MCCC2: variants seen among roughly 807,000 people sequenced by gnomAD.
MCCC2 encodes the protein methylcrotonyl-CoA carboxylase subunit 2, also known as methylcrotonoyl-CoA carboxylase beta chain, mitochondrial.
A neutral mutation model predicts 77.2 loss-of-function variants in MCCC2; 52 were observed. That is an observed-to-expected ratio of 0.67 (90% CI 0.54 to 0.85). The LOEUF (loss-of-function observed/expected upper bound fraction) is 0.85, where lower values mean the gene tolerates loss of function less well. Among genes scored for constraint, MCCC2 ranks in the 40% least tolerant of loss-of-function variants. The pLI is 0.00. For missense variants in MCCC2, 682 were observed against 703.2 expected, an observed-to-expected ratio of 0.97 and a Z score of 0.34; for synonymous variants, 253 against 248.4, an observed-to-expected ratio of 1.02 and a Z score of -0.18.
In MCCC2 at chr5:71,596,302, A is replaced by T; in HGVS notation, c.219A>T (p.Ala73=). The T allele has an allele frequency of 6.2e-7, 1 of 1,614,144 alleles. No homozygotes were observed. Among genetic ancestry groups the T allele is most frequent in the South Asian group, 1.1e-5 (1 of 91,076 alleles). ...TAGGAGGTGGTGAGAAAGCCCGAGC[A>T]CTTCACATATCAAGAGGAAAACTAT... ...IKLGGGEKAR[A]LHISRGKLLP... Residue 73 remains alanine (A), a synonymous_variant, in exon 3 of 17, where the codon GCA becomes GCT. Transcript: ENST00000340941.
At chr5:71,653,584 T>C (rs1747498323) in intron 16 of MCCC2, among the ~76,000 whole-genome samples, 1 of 151,916 alleles carries the variant, frequency 6.6e-6, no homozygotes, top group African/African-American at 2.4e-5. Flanking sequence ...GCACAGTGGC[T>C]CACACTTATA....
At chr5:71,602,242 A>T (rs1745465431) in intron 4 of MCCC2, among the ~76,000 whole-genome samples, 1 of 151,922 alleles carries the variant, frequency 6.6e-6, no homozygotes, top group African/African-American at 2.4e-5. Flanking sequence ...TTAGTTTTTT[A>T]TTACTAATCT....
At chr5:71,592,762 G>A (rs930439697) in intron 1 of MCCC2, 164 bp from the exon 2 acceptor site, 3 of 663,778 alleles carry the variant, frequency 4.5e-6, no homozygotes, top group East Asian at 2.7e-5. Context: ...TTTTCCATAC[G>A]ATCCAGTGGC....
chr5:71,640,870 T>G, intron 10 of MCCC2, 133 bp from the exon 11 acceptor site: 49 of 762,074 alleles, frequency 6.4e-5, no homozygotes, highest in Middle Eastern at 3.5e-4. Flanking sequence ...GAAATTCTAG[T>G]GAGATTTTCT....
intron 11 of MCCC2, 92 bp from the exon 12 acceptor site, chr5:71,643,727 A>G (rs765493971): frequency 4.7e-5 from 75 of 1,611,000 alleles, no homozygotes; most frequent in Non-Finnish European, 5.9e-5. Flanking sequence ...CTTGGATCTG[A>G]TATTAAAGAA....
chr5:71,657,108 G>C lies in MCCC2; in HGVS notation c.*248G>C, dbSNP rs923337290. On this transcript the variant is annotated 3_prime_UTR_variant, in exon 17 of 17. Transcript: ENST00000340941. The stretch of plus-strand genomic sequence containing the variant: ...CCATAAAGCGGAGACAGTAATTTAC[G>C]GTTATCCTTTCTGACCCACAAAGTA... 1 of 432,044 alleles carries C rather than the reference G, an allele frequency of 2.3e-6. No individual in the cohort carries two copies. The highest frequency in any genetic ancestry group is 2.0e-5 in the African/African-American group (1 of 49,830). The allele number at this position is 432,044 out of a possible 1,614,324, so 26.8% of individuals were successfully genotyped here.
chr5:71,596,302 A>C lies in MCCC2; in HGVS notation c.219A>C (p.Ala73=), dbSNP rs1048291170. 6.2e-6 allele frequency: 10 copies of C among 1,614,026 alleles called. No individual in the cohort carries two copies. In the African/African-American group the frequency reaches 1.1e-4, roughly 17 times the overall value. The change falls in exon 3 of 17, where the codon GCA becomes GCC. Residue 73 remains alanine (A), a synonymous_variant. Transcript: ENST00000340941. ...IKLGGGEKAR[A]LHISRGKLLP... is the part of the protein sequence containing the mutation. ...TAGGAGGTGGTGAGAAAGCCCGAGCACTTCACATATCAAGAGGAAAACTAT... is the reference window on the plus strand; with the variant it reads ...TAGGAGGTGGTGAGAAAGCCCGAGCCCTTCACATATCAAGAGGAAAACTAT...
At chr5:71,644,031 G>T in intron 12 of MCCC2, 136 bp downstream of exon 12, 1 of 828,348 alleles carries the variant, frequency 1.2e-6, no homozygotes, top group East Asian at 2.8e-5. Context: ...GTGTGCGCGG[G>T]CATGTGTGTG....
At chr5:71,639,456 G>A (rs973004386) in intron 10 of MCCC2, among the ~76,000 whole-genome samples, 24 of 151,178 alleles carry the variant, frequency 1.6e-4, no homozygotes, top group Non-Finnish European at 2.9e-4. Flanking sequence ...TTTCTTCTGC[G>A]ACTTCACCTA....
At chr5:71,631,673 TG>T (rs1488017150) in intron 7 of MCCC2, among the ~76,000 whole-genome samples, 1 of 151,886 alleles carries the variant, frequency 6.6e-6, no homozygotes, top group Non-Finnish European at 1.5e-5. Flanking sequence ...CCCGAGTAGC[TG>T]GGACTACAGG....
chr5:71,650,507 C>G (rs1479750471), intron 15 of MCCC2, among the ~76,000 whole-genome samples: 2 of 151,998 alleles, frequency 1.3e-5, no homozygotes, highest in Non-Finnish European at 1.5e-5. Flanking sequence ...CTCTGTCACC[C>G]AGGCTGGAGT....
chr5:71,626,642 C>G lies in MCCC2; in HGVS notation c.627C>G (p.Ile209Met). 1 of 1,612,840 alleles carries G rather than the reference C, an allele frequency of 6.2e-7. No homozygotes were observed. Among genetic ancestry groups the G allele is most frequent in the Non-Finnish European group, 8.5e-7 (1 of 1,178,942 alleles). ...TTTGTCGTGTGCTTGGATTCCAGAT[C>G]GCAGTGGTCATGGGCTCCTGCACCG... ...AIMSSKNIAQ[I>M]AVVMGSCTAG... is the part of the protein sequence containing the mutation. Residue 209 changes from isoleucine (I) to methionine (M), a missense_variant and splice_region_variant, in exon 7 of 17, where the codon ATC becomes ATG. Ile to Met is a conservative substitution (Grantham distance 10, BLOSUM62 1). Transcript: ENST00000340941.
intron 1 of MCCC2, 92 bp from the exon 2 acceptor site, chr5:71,592,834 C>A: frequency 3.0e-6 from 3 of 1,003,494 alleles, no homozygotes; most frequent in Non-Finnish European, 1.6e-6. Context: ...TGGCACAGAC[C>A]ACTGTTTTTT....
rs907697758 is a variant in MCCC2 at position 71,593,094 on chromosome 5, T to A, written c.196+102T>A. The A allele has an allele frequency of 6.8e-5, 73 of 1,080,326 alleles. No homozygotes were observed. In the African/African-American group the frequency reaches 7.6e-4, roughly 11 times the overall value. 66.9% of individuals were successfully genotyped at this position (1,080,326 alleles called of 1,614,324 possible). ...ACTGGAATTAAGCTTTTGATATTTTTTTTTTTTTTTTGAGATGGAGTCTTG... is the reference window on the plus strand; with the variant it reads ...ACTGGAATTAAGCTTTTGATATTTTATTTTTTTTTTTGAGATGGAGTCTTG... On this transcript the variant is annotated intron_variant, in intron 2 of 16. Coordinates refer to ENST00000340941, the MANE Select transcript of MCCC2 (RefSeq NM_022132.5).
At chr5:71,653,156 C>T (rs1387859950) in intron 16 of MCCC2, among the ~76,000 whole-genome samples, 1 of 152,188 alleles carries the variant, frequency 6.6e-6, no homozygotes, top group African/African-American at 2.4e-5. Context: ...TTTGTTTTTA[C>T]CCCATTTTAA....
chr5:71,656,715 C>A, intron 16 of MCCC2, 28 bp from the exon 17 acceptor site: 1 of 1,569,566 alleles, frequency 6.4e-7, no homozygotes, highest in South Asian at 1.1e-5. Flanking sequence ...GTGGTAAATT[C>A]ATAACTCTTT....
intron 6 of MCCC2, among the ~76,000 whole-genome samples, chr5:71,618,140 T>C (rs1746229157): frequency 6.6e-6 from 1 of 152,186 alleles, no homozygotes; most frequent in South Asian, 2.1e-4. Context: ...ATCTTTGCAA[T>C]GTTCTTCTTT....
chr5:71,652,683 T>C lies in MCCC2; in HGVS notation c.1503T>C (p.Asp501=). The change falls in exon 16 of 17, where the codon GAT becomes GAC. Residue 501 remains aspartate, a synonymous_variant. Transcript: ENST00000340941. ...TTTTCCTTTAGTTCTCCAGTGCTGATGAAGCGGCTTTAAAAGAGCCCATCA... is the reference window on the plus strand; with the variant it reads ...TTTTCCTTTAGTTCTCCAGTGCTGACGAAGCGGCTTTAAAAGAGCCCATCA... The part of the protein sequence containing the change: ...AREGKQFSSA[D]EAALKEPIIK... The C allele has an allele frequency of 1.2e-6, 2 of 1,614,200 alleles. No homozygotes were observed. Among genetic ancestry groups the C allele is most frequent in the Non-Finnish European group, 8.5e-7 (1 of 1,180,024 alleles).
intron 6 of MCCC2, among the ~76,000 whole-genome samples, chr5:71,618,539 T>C (rs1746256913): frequency 1.7e-5 from 1 of 59,934 alleles, no homozygotes; most frequent in Non-Finnish European, 3.7e-5. Flanking sequence ...CTTCCTTCCT[T>C]CCTTCCTTCC....
Sources: allele counts gnomAD v4.1 joint callset (sites outside exome capture counted in the v4.1 genomes callset), GRCh38; gene constraint gnomAD v4.1.1; transcripts MANE v1.5; gene names NCBI Gene and HGNC (gene_info 2026-07-23, HGNC 2026-07-21).